The following SLC7A2 variants were observed in gnomAD, a reference collection of about 807,000 sequenced individuals.
SLC7A2 encodes solute carrier family 7 member 2.
A neutral mutation model predicts 58.9 loss-of-function variants in SLC7A2; 48 were observed. The observed-to-expected ratio is 0.82, with a 90% CI of 0.65 to 1.04. The LOEUF is 1.04. SLC7A2 is among the 50% of genes least tolerant of loss of function. The pLI, the probability that SLC7A2 is intolerant of heterozygous loss-of-function variation, is 0.00. For synonymous variants in SLC7A2, 363 were observed against 314.5 expected (o/e 1.15, Z -1.63); for missense variants, 1,029 against 818.8 (o/e 1.26, Z -3.13).
chr8:17,544,675 C>T, intron 4 of SLC7A2, 69 bp downstream of exon 4: 2 of 1,426,614 alleles, frequency 1.4e-6, no homozygotes, highest in African/African-American at 2.8e-5. Context: ...TAGGTTACTT[C>T]TGAATTTGGG....
intron 2 of SLC7A2, among the ~76,000 whole-genome samples, chr8:17,525,375 G>A (rs527685273): frequency 1.3e-5 from 2 of 152,252 alleles, no homozygotes; most frequent in South Asian, 4.2e-4. Flanking sequence ...TATGCAATAA[G>A]AAACAAGCTC....
chr8:17,512,214 T>C (rs1585190204), intron 2 of SLC7A2, among the ~76,000 whole-genome samples: 1 of 152,204 alleles, frequency 6.6e-6, no homozygotes, highest in East Asian at 1.9e-4. Context: ...TATGGCTTTT[T>C]TTCAAGGCCC....
upstream of SLC7A2, among the ~76,000 whole-genome samples, chr8:17,496,359 GAC>G (rs1223837865): frequency 6.6e-6 from 1 of 152,014 alleles, no homozygotes; most frequent in Non-Finnish European, 1.5e-5. Context: ...CACACACACT[GAC>G]ACACACTTAT....
intron 2 of SLC7A2, among the ~76,000 whole-genome samples, chr8:17,533,325 T>A (rs562776826): frequency 6.6e-6 from 1 of 152,222 alleles, no homozygotes; most frequent in East Asian, 1.9e-4. Context: ...GTTTCAAAAG[T>A]GACCATTTTG....
At chr8:17,535,634 G>C (rs985529214) in intron 2 of SLC7A2, among the ~76,000 whole-genome samples, 1 of 152,208 alleles carries the variant, frequency 6.6e-6, no homozygotes, top group African/African-American at 2.4e-5. Context: ...CGGGCGCGGT[G>C]GCTTACGCCT....
chr8:17,560,650 C>T (rs561140067), intron 10 of SLC7A2, 117 bp downstream of exon 10: 8 of 822,842 alleles, frequency 9.7e-6, no homozygotes, highest in African/African-American at 5.1e-5. Flanking sequence ...TTAGCAACCA[C>T]CCTGAAATTT....
chr8:17,498,377 G>A (rs1585169329), intron 1 of SLC7A2, among the ~76,000 whole-genome samples: 1 of 152,238 alleles, frequency 6.6e-6, no homozygotes, highest in African/African-American at 2.4e-5. Flanking sequence ...TATCTCCTCC[G>A]GAAGGTGAAA....
Position 17,569,560 on chromosome 8 carries a change from T to G in SLC7A2, c.*4414T>G, listed in dbSNP as rs879765050. On this transcript the variant is annotated 3_prime_UTR_variant, in exon 13 of 13. Transcript: ENST00000494857. ...GACTTTATTGTTTTGGGGAGATTTT[T>G]TTTCCTTACATGATTATATTAAACA... is the stretch of plus-strand genomic sequence containing the variant. 7 of 152,158 alleles carry G rather than the reference T, an allele frequency of 4.6e-5. No individual in the cohort carries two copies. The highest frequency in any genetic ancestry group is 8.8e-5 in the Non-Finnish European group (6 of 68,032). The allele number at this position is 152,158 out of a possible 1,614,324, so 9.4% of individuals were successfully genotyped here.
intron 1 of SLC7A2, among the ~76,000 whole-genome samples, chr8:17,501,375 C>G (rs1326656782): frequency 6.6e-6 from 1 of 152,166 alleles, no homozygotes; most frequent in Non-Finnish European, 1.5e-5. Flanking sequence ...TTACGCTGAC[C>G]TCACTGGTAA....
At chr8:17,542,212 T>A (rs1369425623) in intron 2 of SLC7A2, among the ~76,000 whole-genome samples, 3 of 152,224 alleles carry the variant, frequency 2.0e-5, no homozygotes, top group African/African-American at 7.2e-5. Context: ...AGCTCACACA[T>A]GCTTGATAAA....
Position 17,554,593 on chromosome 8 carries a change from A to G in SLC7A2, c.1089A>G (p.Val363=). Residue 363 remains valine (V), a synonymous_variant, in exon 8 of 13, where the codon GTA becomes GTG. Transcript: ENST00000494857. ...GATCCATTTTCCCAATGCCTCGTGT[A>G]ATCTATGCTATGGCGGAGGATGGGT... ...LLGSIFPMPR[V]IYAMAEDGLL... 10 of 1,610,528 alleles carry G rather than the reference A, an allele frequency of 6.2e-6. No homozygotes were observed. The highest frequency in any genetic ancestry group is 8.5e-6 in the Non-Finnish European group (10 of 1,179,220).
intron 2 of SLC7A2, among the ~76,000 whole-genome samples, chr8:17,531,035 G>T (rs1801429976): frequency 6.6e-6 from 1 of 152,214 alleles, no homozygotes; most frequent in Non-Finnish European, 1.5e-5. Flanking sequence ...TCCATACGGT[G>T]TGGTTTCAAA....
chr8:17,510,845 C>G (rs894495964), intron 2 of SLC7A2: 1 of 152,156 alleles, frequency 6.6e-6, no homozygotes, highest in Non-Finnish European at 1.5e-5. Flanking sequence ...AGACATGGAA[C>G]CAACCCAATG....
At chr8:17,558,190 T>G (rs1802797924) in intron 8 of SLC7A2, 105 bp from the exon 9 acceptor site, 4 of 710,322 alleles carry the variant, frequency 5.6e-6, no homozygotes, top group Admixed American at 4.0e-5. Flanking sequence ...TTATCCTTGG[T>G]ACTAAAACGA....
At chr8:17,538,631 G>A (rs894958624) in intron 2 of SLC7A2, 53 of 550,430 alleles carry the variant, frequency 9.6e-5, no homozygotes, top group African/African-American at 4.5e-4. Flanking sequence ...TTTAACCCAC[G>A]TTATAATTTG....
chr8:17,570,367 A>G lies in SLC7A2; in HGVS notation c.*5221A>G, dbSNP rs191924031. On this transcript the variant is annotated 3_prime_UTR_variant, in exon 13 of 13. Transcript: ENST00000494857. ...TATGTCTGTAAAAACCAACAAAGGC[A>G]TTGGACTTGTGTGAATGTACAGGGT... 23 of 152,776 alleles carry G rather than the reference A, an allele frequency of 1.5e-4. No individual in the cohort carries two copies. Among genetic ancestry groups the G allele is most frequent in the Admixed American group, 1.4e-3 (21 of 15,308 alleles). The allele number at this position is 152,776 out of a possible 1,614,324, so 9.5% of individuals were successfully genotyped here.
intron 2 of SLC7A2, among the ~76,000 whole-genome samples, chr8:17,509,446 C>T (rs1585185766): frequency 6.6e-6 from 1 of 152,174 alleles, no homozygotes; most frequent in East Asian, 1.9e-4. Context: ...GCTGGGTTTA[C>T]AGGTGCCCAC....
At chr8:17,516,258 C>A (rs977643571) in intron 2 of SLC7A2, among the ~76,000 whole-genome samples, 6 of 151,278 alleles carry the variant, frequency 4.0e-5, no homozygotes, top group Admixed American at 6.6e-5. Flanking sequence ...TGGAATCTCG[C>A]TCTGTCGCCC....
intron 2 of SLC7A2, among the ~76,000 whole-genome samples, chr8:17,535,789 G>A (rs1378557082): frequency 1.3e-5 from 2 of 152,030 alleles, no homozygotes; most frequent in East Asian, 3.9e-4. Flanking sequence ...TGTAGTCACA[G>A]ATACTTGGGA....
Sources: gnomAD v4.1 joint callset for allele counts (sites outside exome capture counted in the v4.1 genomes callset) on GRCh38, gnomAD v4.1.1 for gene constraint, MANE v1.5 for transcripts, NCBI Gene and HGNC (gene_info 2026-07-23, HGNC 2026-07-21) for gene names.